Variants in LMNTD1 observed in about 807,000 individuals in gnomAD.
LMNTD1 encodes the protein lamin tail domain-containing protein 1.
A neutral mutation model predicts 50.9 loss-of-function variants in LMNTD1; 35 were observed. The observed-to-expected ratio is 0.69, with a 90% confidence interval of 0.53 to 0.91. The LOEUF is 0.91. Ranked by LOEUF, LMNTD1 falls within the 40% of genes least tolerant of loss-of-function variation. The pLI is 0.00. For missense variants in LMNTD1, 470 were observed against 475.5 expected, an observed-to-expected ratio of 0.99 and a Z score of 0.11; for synonymous variants, 153 against 161.9, an observed-to-expected ratio of 0.94 and a Z score of 0.42.
rs1946632275 is a variant in LMNTD1, at chr12:25,628,082, T to C, written c.58+20412A>G. Among the ~76,000 whole-genome samples, 3 of 107,552 alleles carry C rather than the reference T, an allele frequency of 2.8e-5. No homozygotes were observed. In the Admixed American group the frequency reaches 4.6e-4, roughly 16 times the overall value. The allele number at this position is 107,552 out of a possible 152,430, so 70.6% of individuals were successfully genotyped here. ...GAGATCGCGCCACTGCACTCCAGCC[T>C]GGGCGACAGAGTGAAACTCCGTCTC... On this transcript the variant is annotated intron_variant, in intron 1 of 7. Transcript: ENST00000445693.
At chr12:25,525,959 C>CT (rs1941676762) in intron 6 of LMNTD1, 140 bp downstream of exon 6, 1 of 486,948 alleles carries the variant, frequency 2.1e-6, no homozygotes. Context: ...ATAAAATAAT[C>CT]TTTTAGGCAT....
intron 9 of LMNTD1, among the ~76,000 whole-genome samples, chr12:25,481,529 T>C (rs1938444596): frequency 1.3e-5 from 2 of 151,978 alleles, no homozygotes; most frequent in African/African-American, 4.9e-5. Flanking sequence ...TGTCTGACGT[T>C]TTAAAGACAC....
At chr12:25,507,289 C>A (rs60821171) in intron 8 of LMNTD1, among the ~76,000 whole-genome samples, 29,636 of 152,066 alleles carry the variant, frequency 0.19, 3,137 homozygotes, top group African/African-American at 0.26. Flanking sequence ...CTAAGAAAAG[C>A]ACAATGACTC....
chr12:25,640,757 G>T (rs533907340), intron 1 of LMNTD1, among the ~76,000 whole-genome samples: 1 of 152,028 alleles, frequency 6.6e-6, no homozygotes, highest in Non-Finnish European at 1.5e-5. Context: ...CCACCTCCCG[G>T]GTTCACGCCA....
At chr12:25,563,812 C>A (rs532416707) in intron 1 of LMNTD1, among the ~76,000 whole-genome samples, 2 of 152,174 alleles carry the variant, frequency 1.3e-5, no homozygotes, top group African/African-American at 2.4e-5. Flanking sequence ...GCTTTCAGGC[C>A]GCTTTGTTTA....
intron 3 of LMNTD1, among the ~76,000 whole-genome samples, chr12:25,547,764 T>C (rs1241330751): frequency 6.6e-6 from 1 of 151,868 alleles, no homozygotes; most frequent in African/African-American, 2.4e-5. Context: ...ATAAAAGCCT[T>C]GGTATTCCAA....
chr12:25,591,737 C>T (rs1945701254), intron 1 of LMNTD1, among the ~76,000 whole-genome samples: 1 of 150,648 alleles, frequency 6.6e-6, no homozygotes, highest in African/African-American at 2.4e-5. Context: ...TCAGGTCTGA[C>T]CCAGCACACT....
At chr12:25,621,230 T>A (rs1379657464) in intron 1 of LMNTD1, among the ~76,000 whole-genome samples, 1 of 151,976 alleles carries the variant, frequency 6.6e-6, no homozygotes, top group Middle Eastern at 3.2e-3. Context: ...CTTTTTTTAT[T>A]TAGAGAGAAA....
chr12:25,597,299 G>A (rs1945864775), intron 1 of LMNTD1, among the ~76,000 whole-genome samples: 1 of 151,990 alleles, frequency 6.6e-6, no homozygotes. Context: ...TAAAAATGAA[G>A]GGATGGTAAA....
intron 1 of LMNTD1, among the ~76,000 whole-genome samples, chr12:25,606,633 T>C (rs1032779401): frequency 3.9e-5 from 6 of 152,196 alleles, no homozygotes; most frequent in Non-Finnish European, 7.3e-5. Context: ...CTGGATTACG[T>C]TTATTGATTT....
At chr12:25,524,788 C>T (rs927039774) in intron 6 of LMNTD1, among the ~76,000 whole-genome samples, 1 of 152,044 alleles carries the variant, frequency 6.6e-6, no homozygotes, top group Non-Finnish European at 1.5e-5. Flanking sequence ...GATTGTGTAG[C>T]CTTATTTTTC....
intron 1 of LMNTD1, among the ~76,000 whole-genome samples, chr12:25,614,142 G>A (rs1946304014): frequency 1.3e-5 from 2 of 152,218 alleles, no homozygotes; most frequent in South Asian, 2.1e-4. Flanking sequence ...GCCAGTGGGA[G>A]TAGGGAGACT....
At chr12:25,536,803 C>T (rs895471122) in intron 4 of LMNTD1, among the ~76,000 whole-genome samples, 14 of 152,376 alleles carry the variant, frequency 9.2e-5, no homozygotes, top group African/African-American at 3.4e-4. Flanking sequence ...TTCTGCATTT[C>T]CATCTGAGGT....
intron 1 of LMNTD1, among the ~76,000 whole-genome samples, chr12:25,617,935 A>C (rs568682761): frequency 6.6e-6 from 1 of 152,160 alleles, no homozygotes; most frequent in Non-Finnish European, 1.5e-5. Context: ...TAATATTCAT[A>C]AGGGTCCTGT....
intron 8 of LMNTD1, among the ~76,000 whole-genome samples, chr12:25,509,190 C>A (rs923046495): frequency 1.7e-4 from 26 of 152,192 alleles, no homozygotes; most frequent in Non-Finnish European, 1.9e-4. Flanking sequence ...TCACTGCAAC[C>A]TCCGCCTCCC....
At chr12:25,541,548 T>C (rs1395376945) in intron 4 of LMNTD1, among the ~76,000 whole-genome samples, 2 of 85,836 alleles carry the variant, frequency 2.3e-5, no homozygotes, top group African/African-American at 7.3e-5. Context: ...ATCCCTTCCT[T>C]ACACCTTATA....
At chr12:25,595,062 C>T (rs749176030) in intron 1 of LMNTD1, among the ~76,000 whole-genome samples, 1 of 152,110 alleles carries the variant, frequency 6.6e-6, no homozygotes. Context: ...GCATCTAAAA[C>T]TGGAGCTCCC....
chr12:25,488,980 C>T (rs1938773448), intron 9 of LMNTD1, among the ~76,000 whole-genome samples: 1 of 152,192 alleles, frequency 6.6e-6, no homozygotes, highest in African/African-American at 2.4e-5. Flanking sequence ...AGGCAGTGTG[C>T]CCGTTCTCAG....
At chr12:25,537,863 C>T (rs879184357) in intron 4 of LMNTD1, among the ~76,000 whole-genome samples, 2,883 of 148,902 alleles carry the variant, frequency 0.019, 106 homozygotes, top group African/African-American at 0.067. Flanking sequence ...ATAACCAATA[C>T]AGAGAAGTGC....
Sources: allele counts gnomAD v4.1 joint callset (sites outside exome capture counted in the v4.1 genomes callset), GRCh38; gene constraint gnomAD v4.1.1; transcripts MANE v1.5; gene names NCBI Gene and HGNC (gene_info 2026-07-23, HGNC 2026-07-21).